The following COL19A1 variants were observed in gnomAD, a reference collection of about 807,000 sequenced individuals.
COL19A1 encodes collagen type XIX alpha 1 chain.
Under a neutral mutation model 190.2 loss-of-function variants are expected in COL19A1, and 159 were observed. That is an observed-to-expected ratio of 0.84 (90% CI 0.73 to 0.95). The LOEUF is 0.95. COL19A1 is among the 40% of genes least tolerant of loss of function. COL19A1 has a pLI of 0.00. For synonymous variants in COL19A1, 509 were observed against 458.9 expected, an observed-to-expected ratio of 1.11 and a Z score of -1.39; for missense variants, 1,418 against 1,431.9, an observed-to-expected ratio of 0.99 and a Z score of 0.16.
At position 69,927,990 on chromosome 6, in the gene COL19A1, G is replaced by A. The variant is rs780803744; in HGVS notation, c.348G>A (p.Arg116=). The change falls in exon 5 of 51, where the codon CGG becomes CGA. Residue 116 remains arginine, a synonymous_variant. Coordinates refer to ENST00000620364, the MANE Select transcript of COL19A1 (RefSeq NM_001858.6). ...TACGAAGAAACGCCAAAAAGGAACG[G>A]TGGTTTCTGTGGCAGGTTTTAAACC... ...FRVRRNAKKE[R]WFLWQVLNQQ... The A allele has an allele frequency of 1.9e-6, 3 of 1,613,170 alleles. No individual in the cohort carries two copies. The African/African-American group carries it at 4.0e-5, about 22-fold the overall frequency.
chr6:69,872,440 G>T (rs953473943), intron 1 of COL19A1, among the ~76,000 whole-genome samples: 1 of 152,010 alleles, frequency 6.6e-6, no homozygotes, highest in Admixed American at 6.5e-5. Context: ...AATGATTAAG[G>T]TTTCTTAATG....
intron 27 of COL19A1, among the ~76,000 whole-genome samples, chr6:70,148,078 G>T (rs1429574326): frequency 6.6e-6 from 1 of 152,062 alleles, no homozygotes. Context: ...CTGGCACATG[G>T]GTGTTTTCGC....
chr6:69,980,624 A>G (rs1048277882), intron 11 of COL19A1, among the ~76,000 whole-genome samples: 8 of 152,210 alleles, frequency 5.3e-5, no homozygotes, highest in Non-Finnish European at 8.8e-5. Flanking sequence ...AATATAATTA[A>G]TAGGTGACCA....
intron 49 of COL19A1, among the ~76,000 whole-genome samples, chr6:70,203,007 G>T (rs559065140): frequency 6.6e-6 from 1 of 152,280 alleles, no homozygotes; most frequent in Admixed American, 6.5e-5. Context: ...CCTCATGGCT[G>T]GTTCTCCCGG....
intron 4 of COL19A1, among the ~76,000 whole-genome samples, chr6:69,913,295 A>C (rs1350926440): frequency 6.6e-6 from 1 of 152,236 alleles, no homozygotes; most frequent in Non-Finnish European, 1.5e-5. Flanking sequence ...ATACTAACAA[A>C]GTATTTCATT....
intron 14 of COL19A1, among the ~76,000 whole-genome samples, chr6:70,059,149 T>C (rs1780677480): frequency 6.6e-6 from 1 of 152,160 alleles, no homozygotes; most frequent in African/African-American, 2.4e-5. Context: ...ATCTTATGTT[T>C]CAAGTCTATG....
At chr6:70,004,834 C>CTTT (rs560885333) in intron 11 of COL19A1, among the ~76,000 whole-genome samples, 7 of 142,378 alleles carry the variant, frequency 4.9e-5, no homozygotes, top group African/African-American at 1.8e-4. Flanking sequence ...GCTCAGCGTA[C>CTTT]TTTTTTTTTT....
intron 16 of COL19A1, among the ~76,000 whole-genome samples, chr6:70,110,209 C>A (rs992811011): frequency 6.6e-6 from 1 of 152,142 alleles, no homozygotes; most frequent in African/African-American, 2.4e-5. Context: ...TGACTACATG[C>A]ATTTTGAAGC....
In COL19A1 at chr6:70,068,486, G is replaced by C. The variant is rs2224513; in HGVS notation, c.1224+10G>C. 0.57 allele frequency: 877,117 copies of C among 1,549,404 alleles called. 255,737 individuals carry two copies. Among genetic ancestry groups the C allele is most frequent in the African/African-American group, 0.76 (55,052 of 72,650 alleles). The stretch of plus-strand genomic sequence containing the variant: ...AAAAGAGGGTCAGAGGGTAAGTAAA[G>C]CTGGAACAACTGGTGGGCATTACTA... On this transcript the variant is annotated intron_variant, in intron 15 of 50. Transcript: ENST00000620364.
chr6:70,123,417 A>G (rs1784998823), intron 17 of COL19A1, among the ~76,000 whole-genome samples: 1 of 151,838 alleles, frequency 6.6e-6, no homozygotes, highest in South Asian at 2.1e-4. Context: ...TCAGGGATCT[A>G]GAACTAGAAA....
chr6:70,153,053 G>T (rs901827327), intron 31 of COL19A1, among the ~76,000 whole-genome samples: 3 of 152,058 alleles, frequency 2.0e-5, no homozygotes, highest in South Asian at 2.1e-4. Context: ...TTTCACTAAG[G>T]TTCTGAGTCC....
chr6:69,973,651 C>A (rs989017367), intron 11 of COL19A1, among the ~76,000 whole-genome samples: 1 of 151,992 alleles, frequency 6.6e-6, no homozygotes, highest in Non-Finnish European at 1.5e-5. Context: ...ATTTAAAAAT[C>A]AAGCAATTTC....
chr6:70,199,420 C>T (rs989206824), intron 48 of COL19A1, among the ~76,000 whole-genome samples, 188 bp from the exon 49 acceptor site: 1 of 152,212 alleles, frequency 6.6e-6, no homozygotes, highest in African/African-American at 2.4e-5. Context: ...TGCATCTATA[C>T]ACAAACAACT....
chr6:70,113,847 T>C (rs909996996), intron 16 of COL19A1, among the ~76,000 whole-genome samples: 3 of 140,462 alleles, frequency 2.1e-5, no homozygotes, highest in African/African-American at 8.0e-5. Flanking sequence ...TCTTTCTTTT[T>C]TTTTTTTTTT....
rs1247395174 is a variant in COL19A1, at chr6:70,188,182, G to A, written c.2964G>A (p.Lys988=). The A allele has an allele frequency of 5.0e-6, 8 of 1,613,466 alleles. No individual in the cohort carries two copies. The highest frequency in any genetic ancestry group is 2.2e-5 in the South Asian group (2 of 90,760). The change falls in exon 47 of 51, where the codon AAG becomes AAA. Residue 988 remains lysine, a synonymous_variant. Transcript: ENST00000620364. The stretch of plus-strand genomic sequence containing the variant: ...GTCCTATGGGTCCACCAGGAAACAA[G>A]GGCTCCATGGGATCCCCTGGCCACC... ...AIGPMGPPGN[K]GSMGSPGHQG...
At chr6:70,008,788 A>G (rs1444511289) in intron 11 of COL19A1, among the ~76,000 whole-genome samples, 1 of 151,972 alleles carries the variant, frequency 6.6e-6, no homozygotes, top group Non-Finnish European at 1.5e-5. Context: ...ACATATACAT[A>G]AAAAACCACT....
intron 11 of COL19A1, among the ~76,000 whole-genome samples, chr6:70,018,681 T>C (rs1217605192): frequency 6.6e-6 from 1 of 152,058 alleles, no homozygotes; most frequent in Non-Finnish European, 1.5e-5. Flanking sequence ...AGTGACGGAA[T>C]GGGGAAAATA....
At chr6:70,168,383 A>G (rs542718113) in intron 39 of COL19A1, among the ~76,000 whole-genome samples, 168 bp downstream of exon 39, 1 of 152,354 alleles carries the variant, frequency 6.6e-6, no homozygotes, top group African/African-American at 2.4e-5. Context: ...GAGAAAATGT[A>G]TGCAGCCAAA....
intron 16 of COL19A1, among the ~76,000 whole-genome samples, chr6:70,105,609 T>C (rs548922105): frequency 6.6e-6 from 1 of 152,332 alleles, no homozygotes; most frequent in Non-Finnish European, 1.5e-5. Flanking sequence ...TTGTTTTTCA[T>C]TTATATTTCT....
Sources: gnomAD v4.1 joint callset for allele counts (sites outside exome capture counted in the v4.1 genomes callset) on GRCh38, gnomAD v4.1.1 for gene constraint, MANE v1.5 for transcripts, NCBI Gene and HGNC (gene_info 2026-07-23, HGNC 2026-07-21) for gene names.